Variants in FHIP1B observed in about 807,000 individuals in gnomAD.
FHIP1B encodes FHF complex subunit HOOK interacting protein 1B.
Under a neutral mutation model 82.2 loss-of-function variants are expected in FHIP1B, and 28 were observed. The ratio of observed to expected loss-of-function variants is 0.34; its 90% confidence interval spans 0.25 to 0.47. The LOEUF (loss-of-function observed/expected upper bound fraction) is 0.47. FHIP1B is among the 20% of genes least tolerant of loss of function. The pLI is 1.00. For missense variants in FHIP1B, 1,110 were observed against 1,262.6 expected (o/e 0.88, Z 1.83); for synonymous variants, 585 against 516.1 (o/e 1.13, Z -1.81).
At chr11:6,216,186 T>C (rs764510798) in intron 9 of FHIP1B, among the ~76,000 whole-genome samples, 2 of 152,178 alleles carry the variant, frequency 1.3e-5, no homozygotes, top group African/African-American at 2.4e-5. Flanking sequence ...GAAAGATAGA[T>C]TTTCTGTAGG....
intron 1 of FHIP1B, among the ~76,000 whole-genome samples, chr11:6,230,048 G>A (rs185402889): frequency 1.2e-3 from 181 of 151,258 alleles, no homozygotes; most frequent in Admixed American, 3.1e-3. Context: ...GAGTAAAAAG[G>A]GGAACGAGCT....
chr11:6,224,269 A>G, intron 2 of FHIP1B, 21 bp from the exon 3 acceptor site: 1 of 1,612,816 alleles, frequency 6.2e-7, no homozygotes, highest in Non-Finnish European at 8.5e-7. Flanking sequence ...AGGACAGAAG[A>G]TGGAAGGAAT....
chr11:6,234,197 C>G (rs1847778746), intron 1 of FHIP1B, among the ~76,000 whole-genome samples: 2 of 152,084 alleles, frequency 1.3e-5, no homozygotes, highest in Non-Finnish European at 2.9e-5. Flanking sequence ...CGCCACCCCG[C>G]AGGCTCCCAC....
rs747499432 is a variant in FHIP1B, at chr11:6,223,781, A to C, written c.606T>G (p.Pro202=). Residue 202 remains proline, a synonymous_variant, in exon 3 of 12, where the codon CCT becomes CCG. Transcript: ENST00000449352. This position sits in a 1 kb window ranked among gnomAD's most constrained non-coding sequence, Gnocchi z 4.8. The stretch of plus-strand genomic sequence containing the variant: ...GAAGACGGGGAGCGGCTCCAGGCTC[A>C]GGAGGTGGCTGCAGGAAGAACTCGA... ...SLLEFFLQPP[P]EPGAAPRLLL... 1.2e-6 allele frequency: 2 copies of C among 1,614,236 alleles called. No individual in the cohort carries two copies. The highest frequency in any genetic ancestry group is 2.2e-5 in the South Asian group (2 of 91,092).
chr11:6,217,321 A>G, intron 9 of FHIP1B, 50 bp downstream of exon 9: 2 of 1,538,448 alleles, frequency 1.3e-6, no homozygotes, highest in Non-Finnish European at 1.8e-6. Context: ...AAACATGTCG[A>G]GAACATGCAA....
rs1263169172 is a variant in FHIP1B at position 6,217,897 on chromosome 11, G to T, written c.1689C>A (p.Asp563Glu). Residue 563 changes from aspartate to glutamate, a missense_variant, in exon 9 of 12, where the codon GAC becomes GAA. Physicochemically the swap from Asp to Glu is conservative, Grantham distance 45. Around this residue, in one of 6 missense-constraint regions of FHIP1B, gnomAD observed 418 missense variants for 371.4 expected, o/e 1.13. Coordinates refer to ENST00000449352, the MANE Select transcript of FHIP1B (RefSeq NM_001098794.2). ...AGGTACGGCAGGCTCGGACACAGCG[G>T]TCCACACCACGACGTGCCTCACGCA... ...EYLREARRGV[D>E]RCVRACRTWS... 6.2e-7 allele frequency: 1 copy of T among 1,613,124 alleles called. No individual in the cohort carries two copies. Among genetic ancestry groups the T allele is most frequent in the Non-Finnish European group, 8.5e-7 (1 of 1,180,028 alleles).
At chr11:6,220,118 G>A (rs1847364950) in intron 6 of FHIP1B, among the ~76,000 whole-genome samples, 1 of 152,064 alleles carries the variant, frequency 6.6e-6, no homozygotes, top group African/African-American at 2.4e-5. Flanking sequence ...TCGCAGATGT[G>A]AGTATCCTAG....
intron 1 of FHIP1B, among the ~76,000 whole-genome samples, chr11:6,231,746 A>G (rs1433658880): frequency 6.6e-6 from 1 of 152,142 alleles, no homozygotes; most frequent in Non-Finnish European, 1.5e-5. Context: ...CCTGAAGTCA[A>G]GCGATCTGCC....
chr11:6,227,022 C>T (rs1847582863), intron 1 of FHIP1B, among the ~76,000 whole-genome samples: 1 of 152,200 alleles, frequency 6.6e-6, no homozygotes. Context: ...CCATGCAATA[C>T]TGAAATTATT....
Position 6,223,560 on chromosome 11 carries a change from G to A in FHIP1B, c.777+50C>T, listed in dbSNP as rs750059767. The A allele has an allele frequency of 2.7e-5, 41 of 1,525,798 alleles. No individual in the cohort carries two copies. Among genetic ancestry groups the A allele is most frequent in the Non-Finnish European group, 3.4e-5 (39 of 1,137,550 alleles). The allele number at this position is 1,525,798 out of a possible 1,614,324, so 94.5% of individuals were successfully genotyped here. A position where few individuals can be genotyped will look rare whatever the true frequency, so the allele number is the denominator to read the frequency against. ...CCCATCTCCTGGATAGGAAGGTGCT[G>A]TTCAGTATCTACACACCACACCCTA... On this transcript the variant is annotated intron_variant, in intron 3 of 11. Coordinates refer to ENST00000449352, the MANE Select transcript of FHIP1B (RefSeq NM_001098794.2). The surrounding 1 kb of genome is among the most constrained non-coding windows in gnomAD (Gnocchi z 4.8).
rs765388868 is a variant in FHIP1B, at chr11:6,217,401, G to A, written c.2185C>T (p.Leu729Phe). The change falls in exon 9 of 12, where the codon CTC becomes TTC. Residue 729 changes from leucine to phenylalanine, a missense_variant. Physicochemically the swap from Leu to Phe is conservative, Grantham distance 22 (BLOSUM62 0). Around this residue, in one of 6 missense-constraint regions of FHIP1B, gnomAD observed 418 missense variants for 371.4 expected, o/e 1.13. Coordinates refer to ENST00000449352, the MANE Select transcript of FHIP1B (RefSeq NM_001098794.2). ...AAGGGCTGGCTTGGCAGCTGGTTGA[G>A]AGTCCGCAAAGGGCTGCTGAGGAAG... ...GPFLSSPLRT[L>F]NQLPSQPFTG... 1.2e-6 allele frequency: 2 copies of A among 1,614,150 alleles called. No homozygotes were observed. The highest frequency in any genetic ancestry group is 2.2e-5 in the South Asian group (2 of 91,084).
At position 6,231,595 on chromosome 11, in the gene FHIP1B, G is replaced by A. The variant is rs190611167; in HGVS notation, c.-192+2949C>T. Among the ~76,000 whole-genome samples the A allele has an allele frequency of 2.1e-4, 31 of 150,432 alleles. No homozygotes were observed. The East Asian group carries it at 4.0e-3, about 19-fold the overall frequency. On this transcript the variant is annotated intron_variant, in intron 1 of 11. Transcript: ENST00000449352. ...AAGCAATCCTCCCACCTCAGCCTCC[G>A]GAGTAGCCAGGACCACAAGTATGTG...
At chr11:6,225,278 A>G (rs1196608758) in intron 1 of FHIP1B, among the ~76,000 whole-genome samples, 1 of 152,260 alleles carries the variant, frequency 6.6e-6, no homozygotes, top group Non-Finnish European at 1.5e-5. Context: ...CTTTAGTGAC[A>G]CAGGCCTTCT....
In FHIP1B at chr11:6,223,043, T is replaced by C. The variant is rs1049690765; in HGVS notation, c.936+37A>G. On this transcript the variant is annotated intron_variant, in intron 4 of 11. Transcript: ENST00000449352. This position sits in a 1 kb window ranked among gnomAD's most constrained non-coding sequence, Gnocchi z 4.8. ...GGAATATACCCCCTCCTACCTAATCTCCCAAAAATGACCAAGGGCCAGACT... is the reference window on the plus strand; with the variant it reads ...GGAATATACCCCCTCCTACCTAATCCCCCAAAAATGACCAAGGGCCAGACT... 1 of 1,569,526 alleles carries C rather than the reference T, an allele frequency of 6.4e-7. No individual in the cohort carries two copies. The highest frequency in any genetic ancestry group is 1.4e-5 in the African/African-American group (1 of 72,650).
chr11:6,224,452 C>T lies in FHIP1B; in HGVS notation c.65G>A (p.Gly22Glu). The T allele has an allele frequency of 1.2e-6, 2 of 1,613,968 alleles. No individual in the cohort carries two copies. The highest frequency in any genetic ancestry group is 1.7e-6 in the Non-Finnish European group (2 of 1,179,980). The change falls in exon 2 of 12, where the codon GGG (glycine) becomes GAG (glutamate). Residue 22 changes from glycine to glutamate, a missense_variant. Gly to Glu is a moderately conservative substitution (Grantham distance 98, BLOSUM62 -2). Around this residue, in one of 6 missense-constraint regions of FHIP1B, gnomAD observed 467 missense variants for 602.9 expected, o/e 0.77. Coordinates refer to ENST00000449352, the MANE Select transcript of FHIP1B (RefSeq NM_001098794.2). ...SRGPGHRIPQ[G>E]ANLQTPVMAD... ...CATGACTGGGGTTTGGAGATTGGCCCCTTGAGGTATACGGTGCCCAGGGCC... is the reference window on the plus strand; with the variant it reads ...CATGACTGGGGTTTGGAGATTGGCCTCTTGAGGTATACGGTGCCCAGGGCC...
rs202191496 is a variant in FHIP1B, at chr11:6,224,191, G to A, written c.196C>T (p.Leu66Phe). ...PRAAPGGADD[L>F]SAVRNHTYQM... ...TAAGTGTGGTTGCGCACAGCACTGA[G>A]ATCGTCTGCACCCCCAGGAGCTGCC... Residue 66 changes from leucine to phenylalanine, a missense_variant, in exon 3 of 12, where the codon CTC becomes TTC. Physicochemically the swap from Leu to Phe is conservative, Grantham distance 22. Transcript: ENST00000449352. 468 of 1,613,176 alleles carry A rather than the reference G, an allele frequency of 2.9e-4. 2 individuals are homozygous for A. The highest frequency in any genetic ancestry group is 1.3e-3 in the South Asian group (121 of 90,946).
chr11:6,211,557 T>C lies in FHIP1B; in HGVS notation c.2868A>G (p.Ser956=). 1.2e-6 allele frequency: 2 copies of C among 1,613,772 alleles called. No homozygotes were observed. The highest frequency in any genetic ancestry group is 4.5e-5 in the East Asian group (2 of 44,870). ...AVTSPFLLET[S]EEGSGPLISG... ...AGATGAGAGGGCCAGATCCTTCCTC[T>C]GAAGTCTCCAACAAGAAAGGCGAGG... The change falls in exon 12 of 12, where the codon TCA becomes TCG. Residue 956 remains serine, a synonymous_variant. Coordinates refer to ENST00000449352, the MANE Select transcript of FHIP1B (RefSeq NM_001098794.2).
chr11:6,225,783 T>G (rs921340889), intron 1 of FHIP1B, among the ~76,000 whole-genome samples: 1 of 152,052 alleles, frequency 6.6e-6, no homozygotes, highest in Non-Finnish European at 1.5e-5. Flanking sequence ...GATGAGCAAA[T>G]AAGACCCTTA....
chr11:6,231,795 G>C (rs967429638), intron 1 of FHIP1B, among the ~76,000 whole-genome samples: 1 of 152,040 alleles, frequency 6.6e-6, no homozygotes, highest in African/African-American at 2.4e-5. Context: ...GAGCCACTAC[G>C]CCCAGCCTAT....
Sources: allele counts gnomAD v4.1 joint callset (sites outside exome capture counted in the v4.1 genomes callset), GRCh38; gene constraint gnomAD v4.1.1; regional missense constraint gnomAD v4.1.1; non-coding constraint Gnocchi (gnomAD v3.1); transcripts MANE v1.5; gene names NCBI Gene and HGNC (gene_info 2026-07-23, HGNC 2026-07-21).